Variants in ZNRF3 observed in about 807,000 individuals in gnomAD.
ZNRF3 encodes zinc and ring finger 3, also known as E3 ubiquitin-protein ligase ZNRF3.
A neutral mutation model predicts 72.5 loss-of-function variants in ZNRF3; 23 were observed. The ratio of observed to expected loss-of-function variants is 0.32; its 90% CI spans 0.23 to 0.45. ZNRF3 has a LOEUF of 0.45. Among genes scored for constraint, ZNRF3 ranks in the 20% least tolerant of loss-of-function variants. ZNRF3 has a pLI of 1.00. For missense variants in ZNRF3, 1,169 were observed against 1,272.1 expected, an observed-to-expected ratio of 0.92 and a Z score of 1.23; for synonymous variants, 610 against 545.3, an observed-to-expected ratio of 1.12 and a Z score of -1.65.
At chr22:29,015,668 T>TAA (rs56728614) in intron 2 of ZNRF3, among the ~76,000 whole-genome samples, 5 of 139,526 alleles carry the variant, frequency 3.6e-5, no homozygotes, top group African/African-American at 1.1e-4. Context: ...AGATTCTGTT[T>TAA]AAAAAAAAAA....
intron 2 of ZNRF3, among the ~76,000 whole-genome samples, chr22:29,007,113 G>A (rs2036265209): frequency 6.6e-6 from 1 of 152,150 alleles, no homozygotes; most frequent in East Asian, 1.9e-4. Flanking sequence ...AGGGAGGAGG[G>A]GACAGAACGA....
intron 1 of ZNRF3, among the ~76,000 whole-genome samples, chr22:28,944,897 G>T (rs1251360335): frequency 6.6e-6 from 1 of 151,420 alleles, no homozygotes; most frequent in Non-Finnish European, 1.5e-5. Flanking sequence ...CTGCACCCCA[G>T]CCTGGGCAAC....
chr22:29,008,806 T>C (rs889122984), intron 2 of ZNRF3, among the ~76,000 whole-genome samples: 3 of 152,230 alleles, frequency 2.0e-5, no homozygotes, highest in Non-Finnish European at 4.4e-5. Flanking sequence ...CCACTCGCAA[T>C]TGATTTTCTA....
intron 1 of ZNRF3, among the ~76,000 whole-genome samples, chr22:28,956,960 C>T (rs183933919): frequency 2.6e-5 from 4 of 152,332 alleles, no homozygotes; most frequent in Admixed American, 2.6e-4. Flanking sequence ...GGAGTCTTGG[C>T]TGGCCTAGCA....
chr22:28,982,276 T>C lies in ZNRF3; in HGVS notation c.301-4800T>C, dbSNP rs545980309. On this transcript the variant is annotated intron_variant, in intron 1 of 8. Coordinates refer to ENST00000544604, the MANE Select transcript of ZNRF3 (RefSeq NM_001206998.2). ...CTGATATTCCAACAATTAGCAGGAGTTCACTGTTGGATTAAATAAGAGATT... is the reference window on the plus strand; with the variant it reads ...CTGATATTCCAACAATTAGCAGGAGCTCACTGTTGGATTAAATAAGAGATT... Among the ~76,000 whole-genome samples, 17 of 151,838 alleles carry C rather than the reference T, an allele frequency of 1.1e-4. No individual in the cohort carries two copies. In the South Asian group the frequency reaches 3.5e-3, roughly 32 times the overall value.
At chr22:28,995,968 GT>G (rs1280317045) in intron 2 of ZNRF3, among the ~76,000 whole-genome samples, 1 of 152,152 alleles carries the variant, frequency 6.6e-6, no homozygotes, top group Non-Finnish European at 1.5e-5. Flanking sequence ...TAGAGATGTG[GT>G]TTTGCCATGT....
chr22:29,047,733 AGAAAATT>A (rs2037102274), intron 6 of ZNRF3, among the ~76,000 whole-genome samples: 1 of 152,214 alleles, frequency 6.6e-6, no homozygotes, highest in Admixed American at 6.5e-5. Context: ...TAGACAGGTC[AGAAAATT>A]GAAAGACAAA....
At chr22:28,970,733 C>T (rs1412749546) in intron 1 of ZNRF3, among the ~76,000 whole-genome samples, 2 of 152,158 alleles carry the variant, frequency 1.3e-5, no homozygotes, top group African/African-American at 2.4e-5. Context: ...TCAAAGGATC[C>T]AGGGTTCTTC....
chr22:28,915,917 G>A (rs1292145920), intron 1 of ZNRF3, among the ~76,000 whole-genome samples: 1 of 152,116 alleles, frequency 6.6e-6, no homozygotes, highest in Non-Finnish European at 1.5e-5. Flanking sequence ...AAGCATTTAC[G>A]TTAGAGTTAG....
chr22:28,987,017 A>T, intron 1 of ZNRF3, 59 bp from the exon 2 acceptor site: 1 of 1,570,692 alleles, frequency 6.4e-7, no homozygotes, highest in Non-Finnish European at 8.6e-7. Context: ...AATACACAAT[A>T]TGAGTCAAGC....
At chr22:28,984,592 C>T (rs1357686356) in intron 1 of ZNRF3, among the ~76,000 whole-genome samples, 1 of 152,156 alleles carries the variant, frequency 6.6e-6, no homozygotes, top group Non-Finnish European at 1.5e-5. Flanking sequence ...TTAAAAATAC[C>T]TTGGAATACT....
chr22:28,924,823 C>T (rs956352174), intron 1 of ZNRF3, among the ~76,000 whole-genome samples: 8 of 152,138 alleles, frequency 5.3e-5, no homozygotes, highest in Non-Finnish European at 1.0e-4. Flanking sequence ...AAAGGAAGCT[C>T]ATCTGTCCCT....
intron 1 of ZNRF3, among the ~76,000 whole-genome samples, chr22:28,979,726 T>A (rs557351786): frequency 1.3e-4 from 20 of 151,978 alleles, no homozygotes; most frequent in Non-Finnish European, 2.8e-4. Context: ...AGGCCAGAGG[T>A]CATTTGTTCA....
intron 1 of ZNRF3, among the ~76,000 whole-genome samples, chr22:28,908,426 G>A (rs910502287): frequency 2.6e-5 from 4 of 152,194 alleles, no homozygotes; most frequent in Non-Finnish European, 5.9e-5. Context: ...GCGTTGGGCC[G>A]TGTGCAAGTC....
chr22:28,933,723 A>ACC (rs1352744836), intron 1 of ZNRF3, among the ~76,000 whole-genome samples: 10 of 17,162 alleles, frequency 5.8e-4, no homozygotes, highest in East Asian at 5.1e-3. Flanking sequence ...CCCCCACCCC[A>ACC]CCCCCCCCAC....
intron 1 of ZNRF3, among the ~76,000 whole-genome samples, chr22:28,900,251 C>T (rs1035524825): frequency 6.6e-6 from 1 of 152,178 alleles, no homozygotes; most frequent in Non-Finnish European, 1.5e-5. Context: ...TTCCTTGCTC[C>T]TCCCTATTGT....
At chr22:28,950,020 T>C (rs1180685984) in intron 1 of ZNRF3, among the ~76,000 whole-genome samples, 1 of 152,198 alleles carries the variant, frequency 6.6e-6, no homozygotes, top group Non-Finnish European at 1.5e-5. Context: ...TTTTATTGCT[T>C]CATCTGCATT....
At chr22:28,964,978 C>T (rs1422823230) in intron 1 of ZNRF3, among the ~76,000 whole-genome samples, 2 of 152,118 alleles carry the variant, frequency 1.3e-5, no homozygotes, top group Admixed American at 6.6e-5. Flanking sequence ...TGCCTTGTCT[C>T]GTATGCTTGA....
chr22:29,022,854 C>T (rs1465908143), intron 2 of ZNRF3, among the ~76,000 whole-genome samples: 3 of 152,166 alleles, frequency 2.0e-5, no homozygotes, highest in Non-Finnish European at 4.4e-5. Flanking sequence ...GTCAACTTCC[C>T]TGTAACAAAT....
Sources: gnomAD v4.1 joint callset for allele counts (sites outside exome capture counted in the v4.1 genomes callset) on GRCh38, gnomAD v4.1.1 for gene constraint, MANE v1.5 for transcripts, NCBI Gene and HGNC (gene_info 2026-07-23, HGNC 2026-07-21) for gene names.